The following CYSTM1 variants were observed in gnomAD, a reference collection of about 807,000 sequenced individuals.
The protein encoded by CYSTM1 is cysteine rich transmembrane module containing 1.
In CYSTM1, 4 loss-of-function variants were observed where a neutral mutation model predicts 13.1. The observed-to-expected ratio is 0.31, with a 90% confidence interval of 0.15 to 0.70. The LOEUF (loss-of-function observed/expected upper bound fraction) is 0.70, where lower values mean the gene tolerates loss of function less well. Among genes scored for constraint, CYSTM1 ranks in the 30% least tolerant of loss-of-function variants. The probability of loss-of-function intolerance (pLI) is 0.72; values close to 1 mark genes in which losing one functional copy is unlikely to be tolerated. For missense variants in CYSTM1, 96 were observed against 121.6 expected (o/e 0.79, Z 0.99); for synonymous variants, 36 against 42.7 (o/e 0.84, Z 0.62).
At chr5:140,229,143 C>G (rs1764592606) in intron 2 of CYSTM1, among the ~76,000 whole-genome samples, 1 of 152,046 alleles carries the variant, frequency 6.6e-6, no homozygotes, top group Non-Finnish European at 1.5e-5. Flanking sequence ...TCTATATATT[C>G]TATCCACTAA....
intron 1 of CYSTM1, among the ~76,000 whole-genome samples, chr5:140,185,948 C>G (rs1160089719): frequency 3.9e-5 from 6 of 152,204 alleles, no homozygotes; most frequent in Non-Finnish European, 7.4e-5. Context: ...TTGTGTAACA[C>G]TTTGAGGTAA....
At chr5:140,209,269 CTTT>C (rs70988736) in intron 2 of CYSTM1, among the ~76,000 whole-genome samples, 6 of 137,346 alleles carry the variant, frequency 4.4e-5, no homozygotes, top group Non-Finnish European at 3.2e-5. Flanking sequence ...TCTTTCTTTT[CTTT>C]TTTTTTTTTT....
chr5:140,231,709 A>G (rs1764618843), intron 2 of CYSTM1, among the ~76,000 whole-genome samples: 1 of 152,254 alleles, frequency 6.6e-6, no homozygotes, highest in African/African-American at 2.4e-5. Context: ...GCAAAAGTGT[A>G]GGAACAGCAG....
At chr5:140,233,166 G>A (rs995322986) in intron 2 of CYSTM1, among the ~76,000 whole-genome samples, 2 of 152,164 alleles carry the variant, frequency 1.3e-5, no homozygotes, top group African/African-American at 4.8e-5. Flanking sequence ...GAAAGCTTAG[G>A]GGCCTGAGGA....
intron 2 of CYSTM1, among the ~76,000 whole-genome samples, chr5:140,207,868 A>G (rs1263041919): frequency 6.6e-6 from 1 of 152,190 alleles, no homozygotes; most frequent in Non-Finnish European, 1.5e-5. Context: ...TCTGTCCTTC[A>G]TAGTACTATC....
intron 2 of CYSTM1, among the ~76,000 whole-genome samples, chr5:140,220,425 C>T (rs551496548): frequency 6.6e-6 from 1 of 152,090 alleles, no homozygotes; most frequent in Non-Finnish European, 1.5e-5. Context: ...GAGGAGAGGG[C>T]GGTAATAAGA....
intron 2 of CYSTM1, among the ~76,000 whole-genome samples, chr5:140,195,738 C>G (rs1764148547): frequency 6.8e-6 from 1 of 146,266 alleles, no homozygotes; most frequent in African/African-American, 2.5e-5. Context: ...GCCAAGATAG[C>G]TAATTCTTAA....
At chr5:140,206,753 C>G (rs1417856443) in intron 2 of CYSTM1, among the ~76,000 whole-genome samples, 1 of 152,152 alleles carries the variant, frequency 6.6e-6, no homozygotes, top group Non-Finnish European at 1.5e-5. Context: ...ATCTCAGCCT[C>G]CCAAGTAGCT....
intron 2 of CYSTM1, chr5:140,202,529 T>G (rs553048217): frequency 1.3e-5 from 2 of 152,226 alleles, no homozygotes; most frequent in African/African-American, 2.4e-5. Context: ...GCAGAAAGAT[T>G]GATTCATCTC....
At chr5:140,209,683 C>T (rs1764340264) in intron 2 of CYSTM1, among the ~76,000 whole-genome samples, 1 of 152,174 alleles carries the variant, frequency 6.6e-6, no homozygotes, top group Admixed American at 6.5e-5. Flanking sequence ...CTGCCTTGCC[C>T]TCCCAAAGTG....
rs1035754912 is a variant in CYSTM1 at position 140,230,948 on chromosome 5, G to A, written c.188-12357G>A. ...TTTTCGTAATTTTCTTGGCTTTCTC[G>A]GCCTTTTACTGTTTCATCTACATTT... On this transcript the variant is annotated intron_variant, in intron 2 of 2. Coordinates refer to ENST00000261811, the MANE Select transcript of CYSTM1 (RefSeq NM_032412.4). The surrounding 1 kb of genome is among the most constrained non-coding windows in gnomAD (Gnocchi z 4.1). Among the ~76,000 whole-genome samples, 4 of 151,908 alleles carry A rather than the reference G, an allele frequency of 2.6e-5. No homozygotes were observed. Among genetic ancestry groups the A allele is most frequent in the African/African-American group, 7.3e-5 (3 of 41,312 alleles).
At chr5:140,209,352 C>T (rs572374537) in intron 2 of CYSTM1, among the ~76,000 whole-genome samples, 35 of 150,604 alleles carry the variant, frequency 2.3e-4, no homozygotes, top group East Asian at 1.6e-3. Flanking sequence ...CTGCAACCTC[C>T]GCCTCCTGGG....
chr5:140,201,669 C>A (rs73254755), intron 2 of CYSTM1: 2 of 152,206 alleles, frequency 1.3e-5, no homozygotes, highest in Non-Finnish European at 1.5e-5. Flanking sequence ...TCCATTTTAG[C>A]TTTTTTATGT....
chr5:140,217,467 C>T (rs950909660), intron 2 of CYSTM1, among the ~76,000 whole-genome samples: 3 of 152,124 alleles, frequency 2.0e-5, no homozygotes, highest in African/African-American at 7.2e-5. Flanking sequence ...GGCCCACTCT[C>T]CCTGGCCTAG....
At chr5:140,228,921 CTTCT>C (rs548298004) in intron 2 of CYSTM1, 15 of 397,684 alleles carry the variant, frequency 3.8e-5, no homozygotes, top group African/African-American at 2.5e-4. Flanking sequence ...TTTCCATTTT[CTTCT>C]TTCTTTGACA....
chr5:140,192,669 G>A (rs1478687671), intron 1 of CYSTM1, among the ~76,000 whole-genome samples: 2 of 152,188 alleles, frequency 1.3e-5, no homozygotes, highest in African/African-American at 4.8e-5. Context: ...AGGTTCGGTG[G>A]GAGTGTGTTA....
At chr5:140,214,092 T>C (rs1217222876) in intron 2 of CYSTM1, among the ~76,000 whole-genome samples, 2 of 152,326 alleles carry the variant, frequency 1.3e-5, no homozygotes, top group African/African-American at 4.8e-5. Flanking sequence ...GTGAGTGTAC[T>C]GGGGACTCAG....
rs1764342307 is a variant in CYSTM1, at chr5:140,209,831, A to ATT, written c.187+15180_187+15181dup. 2.6e-5 allele frequency among the ~76,000 whole-genome samples: 4 copies of ATT among 152,172 alleles called. No individual in the cohort carries two copies. The South Asian group carries it at 8.3e-4, about 32-fold the overall frequency. Reference sequence around the variant, plus strand: ...CACCTCAGCCTCCCAAAGTACTGGGATTACAGGCGTGAGCCACCGCGCCTG... The same window carrying ATT: ...CACCTCAGCCTCCCAAAGTACTGGGATTTTACAGGCGTGAGCCACCGCGCCTG... On this transcript the variant is annotated intron_variant, in intron 2 of 2. Transcript: ENST00000261811.
chr5:140,204,139 G>T (rs886225725), intron 2 of CYSTM1, among the ~76,000 whole-genome samples: 5 of 152,254 alleles, frequency 3.3e-5, no homozygotes, highest in Admixed American at 6.5e-5. Flanking sequence ...GGCTGAGACA[G>T]GAGCATCGCT....
Sources: allele counts gnomAD v4.1 joint callset (sites outside exome capture counted in the v4.1 genomes callset), GRCh38; gene constraint gnomAD v4.1.1; non-coding constraint Gnocchi (gnomAD v3.1); transcripts MANE v1.5; gene names NCBI Gene and HGNC (gene_info 2026-07-23, HGNC 2026-07-21).